The following RBMS3 variants were observed in gnomAD, a reference collection of about 807,000 sequenced individuals.
RBMS3 encodes the protein RNA binding motif single stranded interacting protein 3.
Under a neutral mutation model 66.8 loss-of-function variants are expected in RBMS3, and 27 were observed. The ratio of observed to expected loss-of-function variants is 0.40; its 90% confidence interval spans 0.30 to 0.56. RBMS3 has a LOEUF of 0.56. Ranked by LOEUF, RBMS3 falls within the 20% of genes least tolerant of loss-of-function variation. The probability of loss-of-function intolerance (pLI) is 0.40; values close to 1 mark genes in which losing one functional copy is unlikely to be tolerated. For missense variants in RBMS3, 513 were observed against 549.5 expected (o/e 0.93, Z 0.66); for synonymous variants, 188 against 183.0 (o/e 1.03, Z -0.22).
chr3:29,864,460 C>A (rs2059294114), intron 6 of RBMS3, among the ~76,000 whole-genome samples: 1 of 152,162 alleles, frequency 6.6e-6, no homozygotes, highest in East Asian at 1.9e-4. Context: ...ATTTTAGAAA[C>A]ACAGATCTTT....
chr3:29,589,414 T>C (rs2047647485), intron 4 of RBMS3, among the ~76,000 whole-genome samples: 1 of 152,132 alleles, frequency 6.6e-6, no homozygotes, highest in African/African-American at 2.4e-5. Flanking sequence ...TTGGAATGTT[T>C]AAAGTCACTT....
At chr3:29,999,476 C>G (rs569988404) in intron 14 of RBMS3, among the ~76,000 whole-genome samples, 48 of 152,120 alleles carry the variant, frequency 3.2e-4, no homozygotes, top group African/African-American at 1.1e-3. Flanking sequence ...ATGTTTATAG[C>G]GGCACTATTC....
chr3:29,552,802 T>A (rs1359423797), intron 3 of RBMS3, among the ~76,000 whole-genome samples: 1 of 152,198 alleles, frequency 6.6e-6, no homozygotes, highest in African/African-American at 2.4e-5. Context: ...CTTGTTCAAC[T>A]TCTTAGGGCA....
At chr3:29,861,724 C>G (rs2059221979) in intron 6 of RBMS3, among the ~76,000 whole-genome samples, 1 of 152,152 alleles carries the variant, frequency 6.6e-6, no homozygotes, top group Non-Finnish European at 1.5e-5. Flanking sequence ...TATAAGCCAT[C>G]TGATCATTAT....
intron 6 of RBMS3, among the ~76,000 whole-genome samples, chr3:29,846,635 G>T (rs181110461): frequency 6.6e-6 from 1 of 152,126 alleles, no homozygotes; most frequent in Admixed American, 6.5e-5. Flanking sequence ...TTTTCTTTTA[G>T]GTGCTCTGCT....
At chr3:29,655,581 T>G (rs1015828566) in intron 4 of RBMS3, among the ~76,000 whole-genome samples, 1 of 152,224 alleles carries the variant, frequency 6.6e-6, no homozygotes, top group Non-Finnish European at 1.5e-5. Context: ...TAAACAAATC[T>G]ATTGTGCTGC....
intron 1 of RBMS3, among the ~76,000 whole-genome samples, chr3:29,392,450 A>G (rs2039344916): frequency 6.6e-6 from 1 of 152,078 alleles, no homozygotes; most frequent in Non-Finnish European, 1.5e-5. Context: ...ACTTTATCCC[A>G]GCTCTTATGG....
intron 1 of RBMS3, among the ~76,000 whole-genome samples, chr3:29,294,058 A>C (rs999730746): frequency 6.6e-6 from 1 of 151,766 alleles, no homozygotes; most frequent in African/African-American, 2.4e-5. Context: ...CAGTCTGAGA[A>C]CTGGGACCAC....
chr3:29,701,319 T>C (rs1469133437), intron 4 of RBMS3, among the ~76,000 whole-genome samples: 1 of 151,980 alleles, frequency 6.6e-6, no homozygotes, highest in Non-Finnish European at 1.5e-5. Flanking sequence ...GTAGTGAATG[T>C]TACCTCCGTA....
rs75836997 is a variant in RBMS3 at position 29,810,878 on chromosome 3, C to T, written c.637+47889C>T. On this transcript the variant is annotated intron_variant, in intron 6 of 14. Transcript: ENST00000383767. Reference sequence around the variant, plus strand: ...TTATTTGTTAGACACCAATAGAAAACGCACCAAAGTAATAACAAAGTCTCT... The same window carrying T: ...TTATTTGTTAGACACCAATAGAAAATGCACCAAAGTAATAACAAAGTCTCT... Among the ~76,000 whole-genome samples, 545 of 152,144 alleles carry T rather than the reference C, an allele frequency of 3.6e-3. 1 individual carries two copies. Among genetic ancestry groups the T allele is most frequent in the African/African-American group, 0.012 (498 of 41,504 alleles).
chr3:29,354,513 TATAGAC>T (rs1202130909), intron 1 of RBMS3, among the ~76,000 whole-genome samples: 32 of 152,118 alleles, frequency 2.1e-4, no homozygotes, highest in Non-Finnish European at 3.4e-4. Context: ...TGTGTATAGA[TATAGAC>T]ATAGATATAG....
chr3:29,457,316 AT>A (rs1362149539), intron 2 of RBMS3, among the ~76,000 whole-genome samples: 1 of 152,106 alleles, frequency 6.6e-6, no homozygotes, highest in Non-Finnish European at 1.5e-5. Flanking sequence ...CCTCTTGACT[AT>A]TCTCCTTGTC....
At chr3:29,501,251 T>C (rs2148936987) in intron 3 of RBMS3, among the ~76,000 whole-genome samples, 1 of 152,344 alleles carries the variant, frequency 6.6e-6, no homozygotes, top group East Asian at 1.9e-4. Flanking sequence ...ACATATTATG[T>C]CTTATTAATA....
chr3:29,895,350 C>G (rs1296112742), intron 8 of RBMS3, among the ~76,000 whole-genome samples: 3 of 151,406 alleles, frequency 2.0e-5, no homozygotes, highest in Admixed American at 6.6e-5. Flanking sequence ...CAAACACATA[C>G]AATCATGTAA....
In RBMS3 at chr3:30,008,367, TG is replaced by T. The variant is rs1388540452; in HGVS notation, c.*4506del. On this transcript the variant is annotated 3_prime_UTR_variant, in exon 15 of 15. Transcript: ENST00000383767. ...TTCTCAAGTGGGTTTCACTAATAAA[TG>T]TTTTTTTATATGATTTGAAATCAAG... is the stretch of plus-strand genomic sequence containing the variant. The T allele has an allele frequency of 3.3e-5, 5 of 152,084 alleles. No homozygotes were observed. The highest frequency in any genetic ancestry group is 9.7e-5 in the African/African-American group (4 of 41,426). 9.4% of individuals were successfully genotyped at this position (152,084 alleles called of 1,614,324 possible). A position where few individuals can be genotyped will look rare whatever the true frequency, so the allele number is the denominator to read the frequency against.
chr3:29,630,730 A>G (rs939393291), intron 4 of RBMS3, among the ~76,000 whole-genome samples: 1 of 152,060 alleles, frequency 6.6e-6, no homozygotes, highest in Non-Finnish European at 1.5e-5. Context: ...ATCTATATTT[A>G]TAATTATCAC....
chr3:30,005,103 T>TAAAAAAA lies in RBMS3; in HGVS notation c.*1248_*1254dup, dbSNP rs10681559. 3 of 142,248 alleles carry TAAAAAAA rather than the reference T, an allele frequency of 2.1e-5. No individual in the cohort carries two copies. The highest frequency in any genetic ancestry group is 7.5e-5 in the African/African-American group (3 of 39,782). 8.8% of individuals were successfully genotyped at this position (142,248 alleles called of 1,614,324 possible). ...AGGTTGTTTTCGTTTCTTTTCTTTT[T>TAAAAAAA]AAAAAAAAAAAAATTTATTTGACCG... is the stretch of plus-strand genomic sequence containing the variant. On this transcript the variant is annotated 3_prime_UTR_variant, in exon 15 of 15. Coordinates refer to ENST00000383767, the MANE Select transcript of RBMS3 (RefSeq NM_001003793.3).
At chr3:29,884,338 A>C (rs1208320448) in intron 8 of RBMS3, 130 bp downstream of exon 8, 10 of 763,916 alleles carry the variant, frequency 1.3e-5, no homozygotes, top group Non-Finnish European at 2.0e-5. Flanking sequence ...TAAACCAAGC[A>C]TTTTTCATCA....
chr3:29,987,011 A>G (rs1698434514), intron 12 of RBMS3, among the ~76,000 whole-genome samples: 1 of 152,198 alleles, frequency 6.6e-6, no homozygotes, highest in African/African-American at 2.4e-5. Flanking sequence ...GCTTTCCTTG[A>G]TTCAGAATCA....
Sources: allele counts gnomAD v4.1 joint callset (sites outside exome capture counted in the v4.1 genomes callset), GRCh38; gene constraint gnomAD v4.1.1; transcripts MANE v1.5; gene names NCBI Gene and HGNC (gene_info 2026-07-23, HGNC 2026-07-21).